Variants in TRIM24 observed in about 807,000 individuals in gnomAD.
The protein encoded by TRIM24 is transcription intermediary factor 1-alpha.
In TRIM24, 29 loss-of-function variants were observed where a neutral mutation model predicts 123.9. The ratio of observed to expected loss-of-function variants is 0.23; its 90% CI spans 0.17 to 0.32. The LOEUF (loss-of-function observed/expected upper bound fraction) is 0.32, where lower values mean the gene tolerates loss of function less well. Ranked by LOEUF, TRIM24 falls within the 10% of genes least tolerant of loss-of-function variation. TRIM24 has a pLI of 1.00. For missense variants in TRIM24, 932 were observed against 1,295.3 expected (o/e 0.72, Z 4.31); for synonymous variants, 456 against 461.1 (o/e 0.99, Z 0.14).
chr7:138,514,053 G>C (rs1251224517), intron 2 of TRIM24, among the ~76,000 whole-genome samples: 4 of 152,174 alleles, frequency 2.6e-5, no homozygotes, highest in African/African-American at 9.6e-5. Context: ...ATGATTTCTA[G>C]GAAGCAGAAG....
intron 1 of TRIM24, among the ~76,000 whole-genome samples, chr7:138,463,904 T>C (rs941363980): frequency 4.6e-5 from 7 of 151,806 alleles, no homozygotes; most frequent in African/African-American, 7.3e-5. Context: ...AAAAATGCTA[T>C]CCTGAGTCTT....
intron 7 of TRIM24, among the ~76,000 whole-genome samples, chr7:138,541,058 C>T (rs1796993344): frequency 1.3e-5 from 2 of 152,148 alleles, no homozygotes; most frequent in South Asian, 2.1e-4. Flanking sequence ...AGGCTGGTCT[C>T]GAAACTCCTG....
intron 9 of TRIM24, among the ~76,000 whole-genome samples, chr7:138,563,992 G>C (rs1177225620): frequency 6.6e-6 from 1 of 152,152 alleles, no homozygotes; most frequent in Non-Finnish European, 1.5e-5. Context: ...GAGCTGCCTG[G>C]ATTACCCTCC....
In TRIM24 at chr7:138,554,475, A is replaced by G. The variant is rs1428328496; in HGVS notation, c.1262-223A>G. Among the ~76,000 whole-genome samples the G allele has an allele frequency of 6.6e-6, 1 of 152,362 alleles. No homozygotes were observed. The highest frequency in any genetic ancestry group is 3.4e-3 in the Middle Eastern group (1 of 294). On this transcript the variant is annotated intron_variant, in intron 8 of 18. Transcript: ENST00000343526. The surrounding 1 kb of genome is among the most constrained non-coding windows in gnomAD (Gnocchi z 4.5). ...ATGGTTTTATTCTTAAATGAATTAG[A>G]AAGTTTTAAAAATTATTCTTAATTT...
In TRIM24 at chr7:138,579,238, T is replaced by C; in HGVS notation, c.2291T>C (p.Leu764Pro). The C allele has an allele frequency of 6.2e-7, 1 of 1,605,958 alleles. No homozygotes were observed. Among genetic ancestry groups the C allele is most frequent in the Non-Finnish European group, 8.5e-7 (1 of 1,175,158 alleles). Residue 764 changes from leucine to proline, a missense_variant, in exon 15 of 19, where the codon CTC becomes CCC. By Grantham distance (98) the Leu-to-Pro change is moderately conservative. Around this residue, in one of 7 missense-constraint regions of TRIM24, gnomAD observed 527 missense variants for 691.3 expected, o/e 0.76. Transcript: ENST00000343526. ...CCAAGAAGCATACTCACCTCCCTGCTCTTAAATAGCAGTCAGAGCTCTACT... is the reference window on the plus strand; with the variant it reads ...CCAAGAAGCATACTCACCTCCCTGCCCTTAAATAGCAGTCAGAGCTCTACT... ...NYPRSILTSL[L>P]LNSSQSSTSE...
chr7:138,581,717 A>G lies in TRIM24; in HGVS notation c.2739A>G (p.Leu913=), dbSNP rs771028442. The G allele has an allele frequency of 6.2e-7, 1 of 1,612,636 alleles. No homozygotes were observed. Among genetic ancestry groups the G allele is most frequent in the South Asian group, 1.1e-5 (1 of 90,828 alleles). The change falls in exon 17 of 19, where the codon TTA becomes TTG. Residue 913 remains leucine, a synonymous_variant. Transcript: ENST00000343526. ...IDKRKCERLL[L]FLYCHEMSLA... ...CTTAGAAGTGTGAGCGCCTACTTTT[A>G]TTTCTTTACTGCCATGAAATGAGCC...
At chr7:138,466,555 T>C (rs1477086878) in intron 1 of TRIM24, among the ~76,000 whole-genome samples, 1 of 131,472 alleles carries the variant, frequency 7.6e-6, no homozygotes, top group Non-Finnish European at 1.6e-5. Flanking sequence ...ACCTCCGCCA[T>C]GTTGCTCAGG....
intron 1 of TRIM24, among the ~76,000 whole-genome samples, chr7:138,495,006 TC>T (rs1223431020): frequency 6.6e-6 from 1 of 152,134 alleles, no homozygotes; most frequent in African/African-American, 2.4e-5. Context: ...TATGGAGTGA[TC>T]ACCAGGATGT....
chr7:138,511,273 T>C (rs1339610893), intron 2 of TRIM24, among the ~76,000 whole-genome samples: 2 of 150,296 alleles, frequency 1.3e-5, no homozygotes, highest in African/African-American at 4.9e-5. Flanking sequence ...CAAAAGAGGG[T>C]GGGAGGTGCC....
intron 4 of TRIM24, among the ~76,000 whole-genome samples, 157 bp from the exon 5 acceptor site, chr7:138,525,082 GGT>G: frequency 6.6e-6 from 1 of 152,212 alleles, no homozygotes; most frequent in African/African-American, 2.4e-5. Flanking sequence ...TAATTTGAGA[GGT>G]GAGGGAAACT....
chr7:138,511,188 G>C (rs1281856026), intron 2 of TRIM24, among the ~76,000 whole-genome samples: 1 of 152,188 alleles, frequency 6.6e-6, no homozygotes, highest in Non-Finnish European at 1.5e-5. Context: ...TTCTGGGGAG[G>C]CCTCAGGAAA....
chr7:138,494,137 A>G (rs1795853714), intron 1 of TRIM24, among the ~76,000 whole-genome samples: 1 of 152,058 alleles, frequency 6.6e-6, no homozygotes, highest in East Asian at 2.0e-4. Context: ...ACCTGCCACC[A>G]TGCCCAGCTA....
At chr7:138,579,628 T>G (rs1797851143) in intron 15 of TRIM24, 96 bp downstream of exon 15, 2 of 1,031,634 alleles carry the variant, frequency 1.9e-6, no homozygotes, top group Non-Finnish European at 2.8e-6. Context: ...GAAATTCCAC[T>G]TGGCACAAGT....
intron 1 of TRIM24, among the ~76,000 whole-genome samples, chr7:138,483,111 G>C (rs563046523): frequency 6.6e-6 from 1 of 150,572 alleles, no homozygotes; most frequent in African/African-American, 2.4e-5. Flanking sequence ...TAGCGGGGGG[G>C]GTCTCACTTT....
At chr7:138,514,987 G>T (rs1208555388) in intron 2 of TRIM24, 1 of 394,360 alleles carries the variant, frequency 2.5e-6, no homozygotes, top group East Asian at 3.6e-5. Context: ...GAAATATTTG[G>T]GATGCTGAAT....
intron 1 of TRIM24, among the ~76,000 whole-genome samples, chr7:138,472,480 C>T (rs1795292750): frequency 6.6e-6 from 1 of 152,064 alleles, no homozygotes; most frequent in African/African-American, 2.4e-5. Context: ...TCTGAGCCCC[C>T]CACTGATTTC....
chr7:138,470,147 T>TC (rs1795239666), intron 1 of TRIM24, among the ~76,000 whole-genome samples: 2 of 141,816 alleles, frequency 1.4e-5, no homozygotes, highest in African/African-American at 5.7e-5. Context: ...TTTTTTTTTT[T>TC]TTGAGATGGA....
intron 1 of TRIM24, among the ~76,000 whole-genome samples, chr7:138,483,262 A>G (rs1212335225): frequency 6.6e-6 from 1 of 152,208 alleles, no homozygotes; most frequent in Admixed American, 6.5e-5. Flanking sequence ...TTTTTTTTCA[A>G]TAACTTTGTT....
In TRIM24 at chr7:138,587,435, A is replaced by G. The variant is rs1183548478; in HGVS notation, c.*2484A>G. The G allele has an allele frequency of 6.6e-6, 1 of 152,322 alleles. No individual in the cohort carries two copies. Among genetic ancestry groups the G allele is most frequent in the East Asian group, 1.9e-4 (1 of 5,186 alleles). 9.4% of individuals were successfully genotyped at this position (152,322 alleles called of 1,614,324 possible). On this transcript the variant is annotated 3_prime_UTR_variant, in exon 19 of 19. Coordinates refer to ENST00000343526, the MANE Select transcript of TRIM24 (RefSeq NM_015905.3). ...AGATTAATATCCTTTGACTTTATTAATAAGTACCTGTGTGCCCAGGTGGAT... is the reference window on the plus strand; with the variant it reads ...AGATTAATATCCTTTGACTTTATTAGTAAGTACCTGTGTGCCCAGGTGGAT...
Sources: allele counts gnomAD v4.1 joint callset (sites outside exome capture counted in the v4.1 genomes callset), GRCh38; gene constraint gnomAD v4.1.1; regional missense constraint gnomAD v4.1.1; non-coding constraint Gnocchi (gnomAD v3.1); transcripts MANE v1.5; gene names NCBI Gene and HGNC (gene_info 2026-07-23, HGNC 2026-07-21).